The following HLF variants were observed in gnomAD, a reference collection of about 807,000 sequenced individuals.
HLF encodes hepatic leukemia factor.
In HLF, 3 loss-of-function variants were observed where a neutral mutation model predicts 22.6. The observed-to-expected ratio is 0.13, with a 90% CI of 0.06 to 0.34. The LOEUF (loss-of-function observed/expected upper bound fraction) is 0.34. Among genes scored for constraint, HLF ranks in the 10% least tolerant of loss-of-function variants. HLF has a pLI of 1.00. For missense variants in HLF, 299 were observed against 389.2 expected (o/e 0.77, Z 1.95); for synonymous variants, 151 against 151.8 (o/e 0.99, Z 0.04).
intron 2 of HLF, among the ~76,000 whole-genome samples, chr17:55,305,276 C>T (rs1463061543): frequency 1.3e-5 from 2 of 152,172 alleles, no homozygotes; most frequent in Non-Finnish European, 2.9e-5. Flanking sequence ...GTTGCTTTGT[C>T]AAATGCAATC....
In HLF at chr17:55,267,796, G is replaced by A; in HGVS notation, c.161G>A (p.Ser54Asn). Residue 54 changes from serine (S) to asparagine (N), a missense_variant, in exon 2 of 4, where the codon AGT (serine) becomes AAT (asparagine). Ser to Asn is a conservative substitution (Grantham distance 46). Coordinates refer to ENST00000226067, the MANE Select transcript of HLF (RefSeq NM_002126.5). ...KDKEKKLDDE[S>N]NSPTVPQSAF... ...AAGGAAAAGAAGCTGGATGATGAGA[G>A]TAACAGCCCGACGGTCCCCCAGTCG... is the stretch of plus-strand genomic sequence containing the variant. The A allele has an allele frequency of 3.7e-6, 6 of 1,606,476 alleles. No homozygotes were observed. In the Middle Eastern group the frequency reaches 5.0e-4, roughly 133 times the overall value.
At chr17:55,276,050 G>T (rs968913490) in intron 2 of HLF, among the ~76,000 whole-genome samples, 33 of 152,310 alleles carry the variant, frequency 2.2e-4, no homozygotes, top group Admixed American at 7.2e-4. Flanking sequence ...CGAGGCTGCA[G>T]TGAGCCTTGA....
Position 55,320,529 on chromosome 17 carries a change from G to A in HLF, c.673-135G>A. On this transcript the variant is annotated intron_variant, in intron 3 of 3. Coordinates refer to ENST00000226067, the MANE Select transcript of HLF (RefSeq NM_002126.5). This position sits in a 1 kb window ranked among gnomAD's most constrained non-coding sequence, Gnocchi z 4.2. ...CTCTCAGACATGCAGAAACTGTAAA[G>A]GAAGGAGACACAAGCTAAGAAACCC... 1.5e-6 allele frequency: 1 copy of A among 680,782 alleles called. No individual in the cohort carries two copies. The highest frequency in any genetic ancestry group is 2.5e-6 in the Non-Finnish European group (1 of 398,460). The allele number at this position is 680,782 out of a possible 1,614,324, so 42.2% of individuals were successfully genotyped here.
At chr17:55,271,648 G>A (rs927882969) in intron 2 of HLF, 1 of 152,198 alleles carries the variant, frequency 6.6e-6, no homozygotes, top group Non-Finnish European at 1.5e-5. Flanking sequence ...TCCTGCTTCA[G>A]CCTCTCTAGT....
chr17:55,304,615 A>G (rs1904458675), intron 2 of HLF, among the ~76,000 whole-genome samples: 4 of 152,232 alleles, frequency 2.6e-5, no homozygotes, highest in Admixed American at 2.6e-4. Context: ...CACTTTGAGT[A>G]CTGATGCATG....
At chr17:55,301,173 A>C (rs547625940) in intron 2 of HLF, among the ~76,000 whole-genome samples, 1 of 152,222 alleles carries the variant, frequency 6.6e-6, no homozygotes, top group Non-Finnish European at 1.5e-5. Context: ...TTTCAACTCC[A>C]ACCTGTGACT....
chr17:55,268,866 C>T (rs2080823735), intron 2 of HLF, among the ~76,000 whole-genome samples: 1 of 152,112 alleles, frequency 6.6e-6, no homozygotes, highest in Non-Finnish European at 1.5e-5. Flanking sequence ...ATGACCAGTA[C>T]TTCAAAACCC....
Position 55,289,383 on chromosome 17 carries a change from C to T in HLF, c.451+21297C>T, listed in dbSNP as rs575027241. 1.8e-4 allele frequency among the ~76,000 whole-genome samples: 28 copies of T among 152,296 alleles called. No homozygotes were observed. In the East Asian group the frequency reaches 2.9e-3, roughly 16 times the overall value. On this transcript the variant is annotated intron_variant, in intron 2 of 3. Coordinates refer to ENST00000226067, the MANE Select transcript of HLF (RefSeq NM_002126.5). Reference sequence around the variant, plus strand: ...CTGCACAGAATTCATTCTATGTACCCCAGGCCCTATGTGCCCACAGCAGGA... The same window carrying T: ...CTGCACAGAATTCATTCTATGTACCTCAGGCCCTATGTGCCCACAGCAGGA...
At chr17:55,268,458 C>T (rs369104854) in intron 2 of HLF, among the ~76,000 whole-genome samples, 43 of 152,328 alleles carry the variant, frequency 2.8e-4, no homozygotes, top group African/African-American at 8.9e-4. Flanking sequence ...GCCTCCATCG[C>T]ATCTTGTATC....
At chr17:55,286,543 A>C (rs1211294395) in intron 2 of HLF, among the ~76,000 whole-genome samples, 1 of 152,218 alleles carries the variant, frequency 6.6e-6, no homozygotes. Flanking sequence ...TTGAAAATAA[A>C]GTTGGTTTTG....
At chr17:55,290,773 C>T (rs763038766) in intron 2 of HLF, among the ~76,000 whole-genome samples, 11 of 152,120 alleles carry the variant, frequency 7.2e-5, no homozygotes, top group Non-Finnish European at 1.2e-4. Flanking sequence ...AGGTCGAAAG[C>T]CAAGACAGGC....
At chr17:55,267,383 G>A (rs999905504) in intron 1 of HLF, among the ~76,000 whole-genome samples, 3 of 152,154 alleles carry the variant, frequency 2.0e-5, no homozygotes, top group Non-Finnish European at 4.4e-5. Context: ...ATTGGCTGTT[G>A]TTTTCTTAAA....
chr17:55,319,584 AT>A (rs1241416514), intron 3 of HLF, among the ~76,000 whole-genome samples: 1 of 152,062 alleles, frequency 6.6e-6, no homozygotes, highest in Non-Finnish European at 1.5e-5. Context: ...GGAAGGAGGG[AT>A]TGTTTTTACA....
intron 2 of HLF, among the ~76,000 whole-genome samples, chr17:55,292,875 T>C (rs1340720190): frequency 1.3e-5 from 2 of 152,184 alleles, no homozygotes; most frequent in Non-Finnish European, 1.5e-5. Context: ...TTATGTTAAG[T>C]GAAATAAGCC....
At chr17:55,300,606 A>T (rs1232285531) in intron 2 of HLF, among the ~76,000 whole-genome samples, 1 of 152,168 alleles carries the variant, frequency 6.6e-6, no homozygotes, top group East Asian at 1.9e-4. Flanking sequence ...CCTCCTTTGC[A>T]GGTGTCCAGG....
intron 2 of HLF, among the ~76,000 whole-genome samples, chr17:55,285,996 C>A (rs2039737290): frequency 6.6e-6 from 1 of 152,176 alleles, no homozygotes. Flanking sequence ...TTTTCTCTTG[C>A]AAAATCAGTA....
At chr17:55,305,488 A>T (rs1016217082) in intron 2 of HLF, among the ~76,000 whole-genome samples, 1 of 152,144 alleles carries the variant, frequency 6.6e-6, no homozygotes, top group Non-Finnish European at 1.5e-5. Flanking sequence ...GTGGAGGGGA[A>T]CTGCAGAGTC....
At chr17:55,276,274 A>T (rs1204508497) in intron 2 of HLF, among the ~76,000 whole-genome samples, 1 of 152,206 alleles carries the variant, frequency 6.6e-6, no homozygotes, top group Admixed American at 6.5e-5. Context: ...GTTTCAAGAG[A>T]CAGTGATTTA....
Position 55,321,062 on chromosome 17 carries a change from G to C in HLF, c.*183G>C. The stretch of plus-strand genomic sequence containing the variant: ...ATATGTGCTTGTGCTCATGTGTGTG[G>C]TCAGCGGTATGTGCGTGTGCGTGTT... On this transcript the variant is annotated 3_prime_UTR_variant, in exon 4 of 4. Coordinates refer to ENST00000226067, the MANE Select transcript of HLF (RefSeq NM_002126.5). The C allele has an allele frequency of 3.4e-6, 2 of 589,944 alleles. No homozygotes were observed. The highest frequency in any genetic ancestry group is 6.1e-6 in the Non-Finnish European group (2 of 327,620). 36.5% of individuals were successfully genotyped at this position (589,944 alleles called of 1,614,324 possible).
Sources: allele counts gnomAD v4.1 joint callset (sites outside exome capture counted in the v4.1 genomes callset), GRCh38; gene constraint gnomAD v4.1.1; non-coding constraint Gnocchi (gnomAD v3.1); transcripts MANE v1.5; gene names NCBI Gene and HGNC (gene_info 2026-07-23, HGNC 2026-07-21).